Variants in PRR5L observed in about 807,000 individuals in gnomAD.
PRR5L encodes proline rich 5 like, also known as proline-rich protein 5-like.
PRR5L carries 21 observed loss-of-function variants against 36.4 expected under a neutral mutation model. The observed-to-expected ratio is 0.58, with a 90% CI of 0.41 to 0.83. PRR5L has a LOEUF of 0.83. Among genes scored for constraint, PRR5L ranks in the 40% least tolerant of loss-of-function variants. The pLI is 0.00. For synonymous variants in PRR5L, 188 were observed against 197.0 expected (o/e 0.95, Z 0.38); for missense variants, 381 against 473.3 (o/e 0.80, Z 1.81).
intron 8 of PRR5L, among the ~76,000 whole-genome samples, chr11:36,451,788 T>C (rs1416099946): frequency 6.6e-6 from 1 of 152,132 alleles, no homozygotes; most frequent in African/African-American, 2.4e-5. Context: ...TGTTATCGAG[T>C]TGCTGTCTCC....
At chr11:36,412,804 C>A (rs1183350524) in intron 3 of PRR5L, among the ~76,000 whole-genome samples, 1 of 152,102 alleles carries the variant, frequency 6.6e-6, no homozygotes, top group Admixed American at 6.5e-5. Flanking sequence ...CCAGATCACT[C>A]TCTCATAGGG....
At chr11:36,355,551 T>TC (rs1200484453) in intron 1 of PRR5L, among the ~76,000 whole-genome samples, 2 of 147,626 alleles carry the variant, frequency 1.4e-5, no homozygotes, top group Admixed American at 6.7e-5. Context: ...TGCTTTGCTT[T>TC]TTTTTTTTTT....
At position 36,312,427 on chromosome 11, in the gene PRR5L, A is replaced by C. The variant is rs565799704; in HGVS notation, c.-126+15989A>C. ...TAAACACAGCACTGCTGTGCTGTCT[A>C]CATTTCACTCAGCAGGTGTGCTTTA... is the stretch of plus-strand genomic sequence containing the variant. On this transcript the variant is annotated intron_variant, in intron 1 of 8. Coordinates refer to ENST00000530639, the MANE Select transcript of PRR5L (RefSeq NM_001160167.2). Among the ~76,000 whole-genome samples, 7 of 152,336 alleles carry C rather than the reference A, an allele frequency of 4.6e-5. No homozygotes were observed. In the Middle Eastern group the frequency reaches 0.01, roughly 222 times the overall value.
In PRR5L at chr11:36,462,826, T is replaced by G. The variant is rs540174340; in HGVS notation, c.*90T>G. 21 of 1,233,814 alleles carry G rather than the reference T, an allele frequency of 1.7e-5. No individual in the cohort carries two copies. Among genetic ancestry groups the G allele is most frequent in the Non-Finnish European group, 2.3e-5 (21 of 901,978 alleles). The allele number at this position is 1,233,814 out of a possible 1,614,324, so 76.4% of individuals were successfully genotyped here. A position where few individuals can be genotyped will look rare whatever the true frequency, so the allele number is the denominator to read the frequency against. ...TGGATTACTGAGGGGGGCTCTTGCT[T>G]TATGCGATGCTGCCTTATTTCCTTT... On this transcript the variant is annotated 3_prime_UTR_variant, in exon 9 of 9. Coordinates refer to ENST00000530639, the MANE Select transcript of PRR5L (RefSeq NM_001160167.2).
intron 1 of PRR5L, among the ~76,000 whole-genome samples, chr11:36,371,489 T>G (rs962640652): frequency 2.6e-5 from 4 of 152,352 alleles, no homozygotes; most frequent in South Asian, 2.1e-4. Flanking sequence ...TGAAAAACTG[T>G]GTGTTCTTAT....
chr11:36,396,608 C>T lies in PRR5L; in HGVS notation c.-125-4389C>T, dbSNP rs79216364. Among the ~76,000 whole-genome samples, 101 of 152,316 alleles carry T rather than the reference C, an allele frequency of 6.6e-4. 1 individual carries two copies. In the East Asian group the frequency reaches 0.018, roughly 27 times the overall value. ...TTATTGAACGAGCTCTTATGTAGCA[C>T]TTATTTGCCAGGTACAGTTCTAAGT... is the stretch of plus-strand genomic sequence containing the variant. On this transcript the variant is annotated intron_variant, in intron 1 of 8. Transcript: ENST00000530639.
intron 1 of PRR5L, among the ~76,000 whole-genome samples, chr11:36,347,894 T>G (rs145237053): frequency 2.6e-3 from 403 of 152,154 alleles, no homozygotes; most frequent in African/African-American, 9.4e-3. Context: ...ATAGACCTGG[T>G]TTTGCAACCC....
chr11:36,458,979 T>A (rs966684484), intron 8 of PRR5L, among the ~76,000 whole-genome samples: 26 of 152,152 alleles, frequency 1.7e-4, no homozygotes, highest in African/African-American at 5.6e-4. Context: ...AAATGGTGTA[T>A]GTGACTGGGA....
chr11:36,413,009 G>A (rs1423817607), intron 3 of PRR5L, among the ~76,000 whole-genome samples: 3 of 152,202 alleles, frequency 2.0e-5, no homozygotes, highest in African/African-American at 7.2e-5. Flanking sequence ...AAGTTCCACT[G>A]GAGATGGTGT....
chr11:36,452,182 G>A (rs1858959550), intron 8 of PRR5L, among the ~76,000 whole-genome samples: 1 of 152,184 alleles, frequency 6.6e-6, no homozygotes, highest in South Asian at 2.1e-4. Context: ...CGTATAGTAG[G>A]CACTCAAAAA....
chr11:36,386,394 T>C (rs1857457265), intron 1 of PRR5L: 1 of 152,242 alleles, frequency 6.6e-6, no homozygotes, highest in African/African-American at 2.4e-5. Context: ...CAGGATACAA[T>C]AGTGAACAAG....
chr11:36,458,426 AAC>A (rs1301408651), intron 8 of PRR5L, among the ~76,000 whole-genome samples: 3 of 152,240 alleles, frequency 2.0e-5, no homozygotes, highest in African/African-American at 4.8e-5. Context: ...CATGGGTGGG[AAC>A]ACACTCTACA....
At chr11:36,443,100 T>G (rs768193161) in intron 6 of PRR5L, among the ~76,000 whole-genome samples, 1 of 152,168 alleles carries the variant, frequency 6.6e-6, no homozygotes, top group African/African-American at 2.4e-5. Flanking sequence ...CAAGGTTTAT[T>G]ATTTGGCTTA....
chr11:36,383,432 A>G (rs921768671), intron 1 of PRR5L, among the ~76,000 whole-genome samples: 19 of 152,196 alleles, frequency 1.2e-4, no homozygotes, highest in Non-Finnish European at 2.9e-5. Context: ...GGCATCAGAC[A>G]TGTACTGTTT....
At chr11:36,457,067 A>G (rs370574522) in intron 8 of PRR5L, among the ~76,000 whole-genome samples, 1 of 152,202 alleles carries the variant, frequency 6.6e-6, no homozygotes, top group African/African-American at 2.4e-5. Flanking sequence ...ATCACTGGAG[A>G]CACCTTTCCC....
chr11:36,411,939 G>T (rs1590554444), intron 3 of PRR5L, among the ~76,000 whole-genome samples: 1 of 152,250 alleles, frequency 6.6e-6, no homozygotes, highest in East Asian at 1.9e-4. Flanking sequence ...CAGAGTCCTG[G>T]GTGAAATCAT....
intron 1 of PRR5L, among the ~76,000 whole-genome samples, chr11:36,305,979 T>C (rs1856426964): frequency 6.6e-6 from 1 of 152,230 alleles, no homozygotes; most frequent in African/African-American, 2.4e-5. Flanking sequence ...ATAAAGGTGC[T>C]GGCACTTTGT....
At chr11:36,379,142 A>G (rs1210347032) in intron 1 of PRR5L, among the ~76,000 whole-genome samples, 1 of 152,228 alleles carries the variant, frequency 6.6e-6, no homozygotes. Flanking sequence ...CCAGACCTAA[A>G]TCATAATCCT....
intron 3 of PRR5L, among the ~76,000 whole-genome samples, chr11:36,409,671 C>T (rs139969014): frequency 6.6e-6 from 1 of 152,308 alleles, no homozygotes; most frequent in African/African-American, 2.4e-5. Context: ...AGACCAGTCC[C>T]AGGCCTGATG....
Sources: allele counts gnomAD v4.1 joint callset (sites outside exome capture counted in the v4.1 genomes callset), GRCh38; gene constraint gnomAD v4.1.1; transcripts MANE v1.5; gene names NCBI Gene and HGNC (gene_info 2026-07-23, HGNC 2026-07-21).